Variants in CDH12 observed in about 807,000 individuals in gnomAD.
The protein encoded by CDH12 is cadherin-12.
Under a neutral mutation model 74.1 loss-of-function variants are expected in CDH12, and 41 were observed. That is an observed-to-expected ratio of 0.55 (90% CI 0.43 to 0.72). The LOEUF is 0.72. Among genes scored for constraint, CDH12 ranks in the 30% least tolerant of loss-of-function variants. The probability of loss-of-function intolerance (pLI) is 0.00; values close to 1 mark genes in which losing one functional copy is unlikely to be tolerated. For missense variants in CDH12, 945 were observed against 977.2 expected (o/e 0.97, Z 0.44); for synonymous variants, 399 against 355.0 (o/e 1.12, Z -1.39).
At chr5:22,122,681 A>G (rs1180579290) in intron 4 of CDH12, among the ~76,000 whole-genome samples, 3 of 152,252 alleles carry the variant, frequency 2.0e-5, no homozygotes, top group African/African-American at 7.2e-5. Context: ...GGATGAGATT[A>G]ACATTTGAAT....
intron 8 of CDH12, among the ~76,000 whole-genome samples, chr5:21,823,895 C>G (rs13172209): frequency 0.62 from 94,617 of 151,800 alleles, 31,045 homozygotes; most frequent in Non-Finnish European, 0.73. Flanking sequence ...TTATTTGTCT[C>G]TCACTCTTCC....
At chr5:22,219,710 T>G (rs1580417547) in intron 3 of CDH12, among the ~76,000 whole-genome samples, 1 of 151,746 alleles carries the variant, frequency 6.6e-6, no homozygotes. Flanking sequence ...GAGATTTGGG[T>G]AGTTCACTGC....
intron 1 of CDH12, among the ~76,000 whole-genome samples, chr5:22,652,452 A>G (rs1204431943): frequency 6.6e-6 from 1 of 152,194 alleles, no homozygotes; most frequent in Non-Finnish European, 1.5e-5. Context: ...ATGACAGGGT[A>G]CTGTTTTCAG....
At chr5:22,234,999 G>A (rs1412573088) in intron 3 of CDH12, among the ~76,000 whole-genome samples, 1 of 152,038 alleles carries the variant, frequency 6.6e-6, no homozygotes, top group Non-Finnish European at 1.5e-5. Flanking sequence ...CATGGTGTGT[G>A]AGTGAGGCAC....
At chr5:21,883,913 T>A (rs1226723036) in intron 6 of CDH12, 2 of 1,605,876 alleles carry the variant, frequency 1.2e-6, no homozygotes, top group Non-Finnish European at 1.7e-6. Context: ...TGGGAGGGGG[T>A]TTTGCCCTCC....
At chr5:22,521,281 T>C (rs1737045547) in intron 1 of CDH12, among the ~76,000 whole-genome samples, 1 of 151,954 alleles carries the variant, frequency 6.6e-6, no homozygotes, top group African/African-American at 2.4e-5. Context: ...CTTAGTAATA[T>C]ATATGAATTG....
rs578106587 is a variant in CDH12 at position 22,555,898 on chromosome 5, A to C, written c.-522-50534T>G. On this transcript the variant is annotated intron_variant, in intron 1 of 14. Coordinates refer to ENST00000382254, the MANE Select transcript of CDH12 (RefSeq NM_004061.5). Reference sequence around the variant, plus strand: ...ACCAAACAAGATATATATTACAACAAAAAGTTAAAAACTGGTCAAAAAAAA... The same window carrying C: ...ACCAAACAAGATATATATTACAACACAAAGTTAAAAACTGGTCAAAAAAAA... Among the ~76,000 whole-genome samples the C allele has an allele frequency of 2.6e-5, 4 of 152,132 alleles. No homozygotes were observed. In the South Asian group the frequency reaches 8.3e-4, roughly 31 times the overall value.
chr5:22,596,731 T>A (rs780486807), intron 1 of CDH12, among the ~76,000 whole-genome samples: 1 of 152,210 alleles, frequency 6.6e-6, no homozygotes, highest in South Asian at 2.1e-4. Context: ...AATTTACTAA[T>A]TTACAGGCTT....
intron 3 of CDH12, among the ~76,000 whole-genome samples, chr5:22,309,949 A>T (rs1437987014): frequency 5.4e-5 from 7 of 130,480 alleles, no homozygotes; most frequent in African/African-American, 1.2e-4. Context: ...TATCAAGTTT[A>T]AAAAAAAAAA....
intron 1 of CDH12, among the ~76,000 whole-genome samples, chr5:22,556,783 C>T (rs1738821059): frequency 6.6e-6 from 1 of 152,016 alleles, no homozygotes; most frequent in African/African-American, 2.4e-5. Flanking sequence ...TGAAAACTCT[C>T]CATTGTAAAT....
At position 22,733,757 on chromosome 5, in the gene CDH12, C is replaced by T. The variant is rs1405758469; in HGVS notation, c.-523+119301G>A. The stretch of plus-strand genomic sequence containing the variant: ...TTTATTAAAGTGAGGGGGGTTCCTT[C>T]CTGGACAGGGTTGACTTTACTCGAC... On this transcript the variant is annotated intron_variant, in intron 1 of 14. Transcript: ENST00000382254. Among the ~76,000 whole-genome samples, 4 of 151,898 alleles carry T rather than the reference C, an allele frequency of 2.6e-5. No homozygotes were observed. The East Asian group carries it at 5.8e-4, about 22-fold the overall frequency.
intron 1 of CDH12, among the ~76,000 whole-genome samples, chr5:22,831,351 T>TGTGTGTGTGTGTGTGTGTGTG (rs1554007030): frequency 7.2e-6 from 1 of 138,540 alleles, no homozygotes; most frequent in Non-Finnish European, 1.5e-5. Flanking sequence ...GTTTTGGAGT[T>TGTGTGTGTGTGTGTGTGTGTG]TGTGTGTGTG....
intron 3 of CDH12, among the ~76,000 whole-genome samples, chr5:22,249,694 A>G (rs1753072230): frequency 6.6e-6 from 1 of 152,222 alleles, no homozygotes; most frequent in South Asian, 2.1e-4. Flanking sequence ...TAGCAGGGCT[A>G]ACCATGCTTC....
intron 3 of CDH12, among the ~76,000 whole-genome samples, chr5:22,219,502 G>A (rs1251961873): frequency 6.6e-6 from 1 of 151,600 alleles, no homozygotes; most frequent in Non-Finnish European, 1.5e-5. Flanking sequence ...CACATCATAA[G>A]GAATAGGTGA....
At chr5:22,427,325 G>T (rs6896375) in intron 2 of CDH12, among the ~76,000 whole-genome samples, 2 of 151,948 alleles carry the variant, frequency 1.3e-5, no homozygotes, top group Admixed American at 1.3e-4. Context: ...GCACCACCAC[G>T]CCCGGCTAAT....
chr5:22,365,593 TG>T (rs1740995615), intron 3 of CDH12, among the ~76,000 whole-genome samples: 1 of 152,232 alleles, frequency 6.6e-6, no homozygotes, highest in South Asian at 2.1e-4. Flanking sequence ...TATGGATGCT[TG>T]GAGAAAGTTA....
At chr5:22,709,879 G>T (rs191892355) in intron 1 of CDH12, among the ~76,000 whole-genome samples, 18 of 152,248 alleles carry the variant, frequency 1.2e-4, no homozygotes, top group Admixed American at 1.2e-3. Context: ...CAGCCACACT[G>T]GAGTAGAGTC....
At chr5:22,843,870 T>C (rs1333006883) in intron 1 of CDH12, among the ~76,000 whole-genome samples, 1 of 152,056 alleles carries the variant, frequency 6.6e-6, no homozygotes, top group African/African-American at 2.4e-5. Flanking sequence ...TGATAAGACA[T>C]TTATAAGAAA....
In CDH12 at chr5:22,552,590, G is replaced by A. The variant is rs370335899; in HGVS notation, c.-522-47226C>T. ...ACTACAGGCACCAGCCACCACACCC[G>A]GCTAATTTTTGTATTTTTAATAGAG... On this transcript the variant is annotated intron_variant, in intron 1 of 14. Coordinates refer to ENST00000382254, the MANE Select transcript of CDH12 (RefSeq NM_004061.5). Among the ~76,000 whole-genome samples, 3 of 151,788 alleles carry A rather than the reference G, an allele frequency of 2.0e-5. No homozygotes were observed. The South Asian group carries it at 6.2e-4, about 32-fold the overall frequency.
Sources: gnomAD v4.1 joint callset for allele counts (sites outside exome capture counted in the v4.1 genomes callset) on GRCh38, gnomAD v4.1.1 for gene constraint, MANE v1.5 for transcripts, NCBI Gene and HGNC (gene_info 2026-07-23, HGNC 2026-07-21) for gene names.